The following TBXAS1 variants were observed in gnomAD, a reference collection of about 807,000 sequenced individuals.
TBXAS1 encodes the protein thromboxane A synthase 1.
Under a neutral mutation model 60.7 loss-of-function variants are expected in TBXAS1, and 48 were observed. That is an observed-to-expected ratio of 0.79 (90% CI 0.63 to 1.01). The LOEUF is 1.01. TBXAS1 is among the 50% of genes least tolerant of loss of function. TBXAS1 has a pLI of 0.00. For synonymous variants in TBXAS1, 287 were observed against 269.7 expected (o/e 1.06, Z -0.63); for missense variants, 685 against 686.3 (o/e 1.00, Z 0.02).
intron 4 of TBXAS1, among the ~76,000 whole-genome samples, chr7:139,928,864 G>A (rs898792380): frequency 1.3e-5 from 2 of 152,220 alleles, no homozygotes; most frequent in Non-Finnish European, 2.9e-5. Context: ...TTAAATGGGA[G>A]TAAGCTGTTA....
chr7:140,014,507 A>G (rs1814864205), intron 10 of TBXAS1, among the ~76,000 whole-genome samples: 1 of 152,168 alleles, frequency 6.6e-6, no homozygotes. Flanking sequence ...AGGCTGGTGG[A>G]TGCAGAAGAG....
intron 3 of TBXAS1, among the ~76,000 whole-genome samples, chr7:139,902,129 C>T (rs903456810): frequency 2.0e-5 from 3 of 151,446 alleles, no homozygotes; most frequent in Non-Finnish European, 2.9e-5. Context: ...TTTATATGCA[C>T]TCGTGTGTGT....
intron 9 of TBXAS1, among the ~76,000 whole-genome samples, chr7:139,986,811 A>G (rs78562310): frequency 0.42 from 23,983 of 57,600 alleles, 3,350 homozygotes; most frequent in East Asian, 0.63. Context: ...ATATATATAT[A>G]TATATACACC....
chr7:139,997,719 G>A (rs1288881636), intron 9 of TBXAS1, among the ~76,000 whole-genome samples: 1 of 152,196 alleles, frequency 6.6e-6, no homozygotes, highest in African/African-American at 2.4e-5. Context: ...TGCAGTTAGA[G>A]TAAATAGAAG....
At position 139,964,092 on chromosome 7, in the gene TBXAS1, A is replaced by ATT. The variant is rs529477334; in HGVS notation, c.1134+1868_1134+1869dup. Among the ~76,000 whole-genome samples, 226 of 148,954 alleles carry ATT rather than the reference A, an allele frequency of 1.5e-3. 1 individual carries two copies. Among genetic ancestry groups the ATT allele is most frequent in the African/African-American group, 5.3e-3 (215 of 40,662 alleles). Reference sequence around the variant, plus strand: ...CTTAGGTCGCTGCCCATTCTTTTTTATTTTTTTTTTGAGATGAAGTTTCAC... The same window carrying ATT: ...CTTAGGTCGCTGCCCATTCTTTTTTATTTTTTTTTTTTGAGATGAAGTTTCAC... On this transcript the variant is annotated intron_variant, in intron 9 of 12. Transcript: ENST00000448866.
chr7:139,786,362 G>C (rs1291798583), intron 3 of TBXAS1, among the ~76,000 whole-genome samples: 3 of 152,032 alleles, frequency 2.0e-5, no homozygotes, highest in African/African-American at 7.2e-5. Context: ...ATGAGAAAGG[G>C]TATACTTCTA....
rs1014899462 is a variant in TBXAS1, at chr7:139,879,344, G to A, written c.236+3707G>A. On this transcript the variant is annotated intron_variant, in intron 3 of 12. Transcript: ENST00000448866. ...TTGAATGTAAAGCAGGAGGACTGGC[G>A]TGGATACCTATACAGCTATTAGTCG... Among the ~76,000 whole-genome samples, 12 of 152,148 alleles carry A rather than the reference G, an allele frequency of 7.9e-5. No homozygotes were observed. In the East Asian group the frequency reaches 1.3e-3, roughly 17 times the overall value.
chr7:140,007,058 G>A lies in TBXAS1; in HGVS notation c.1135-33G>A, dbSNP rs780918003. 14 of 1,591,636 alleles carry A rather than the reference G, an allele frequency of 8.8e-6. 1 individual carries two copies. The highest frequency in any genetic ancestry group is 3.3e-4 in the Middle Eastern group (2 of 6,012). On this transcript the variant is annotated intron_variant, in intron 9 of 12. Transcript: ENST00000448866. ...AATGCTGTGAGATTTGGGCTAACAC[G>A]AACTTCTCCCTTTGTCACGACCCCT...
chr7:139,988,090 C>T (rs1019466144), intron 9 of TBXAS1, among the ~76,000 whole-genome samples: 9 of 152,256 alleles, frequency 5.9e-5, no homozygotes, highest in South Asian at 2.1e-4. Flanking sequence ...CCCAGCAGGA[C>T]GCCAGGGGAC....
chr7:139,996,133 A>ATT lies in TBXAS1; in HGVS notation c.1135-10943_1135-10942dup, dbSNP rs879520998. Reference sequence around the variant, plus strand: ...ACAGGTGCACACCACCATGTCTGGCATTTTTTTTTTTTTTTTAGAGATGGG... The same window carrying ATT: ...ACAGGTGCACACCACCATGTCTGGCATTTTTTTTTTTTTTTTTTAGAGATGGG... On this transcript the variant is annotated intron_variant, in intron 9 of 12. Coordinates refer to ENST00000448866, the MANE Select transcript of TBXAS1 (RefSeq NM_001061.7). Among the ~76,000 whole-genome samples the ATT allele has an allele frequency of 4.8e-4, 65 of 136,222 alleles. 1 individual carries two copies. The South Asian group carries it at 0.011, about 23-fold the overall frequency. The allele number at this position is 136,222 out of a possible 152,430, so 89.4% of individuals were successfully genotyped here.
chr7:139,827,825 T>G (rs1798485762), upstream of TBXAS1, among the ~76,000 whole-genome samples: 2 of 152,230 alleles, frequency 1.3e-5, no homozygotes, highest in African/African-American at 4.8e-5. Context: ...CCTTCCAGCT[T>G]GTAGGTTTTC....
intron 9 of TBXAS1, among the ~76,000 whole-genome samples, chr7:139,981,455 T>G (rs1025478014): frequency 6.6e-6 from 1 of 152,216 alleles, no homozygotes; most frequent in East Asian, 1.9e-4. Flanking sequence ...CGGTGGACAT[T>G]AGCTGTGCTG....
intron 4 of TBXAS1, among the ~76,000 whole-genome samples, chr7:139,816,909 C>G (rs35612019): frequency 0.095 from 14,403 of 152,182 alleles, 936 homozygotes; most frequent in Non-Finnish European, 0.14. Flanking sequence ...GGCAACTCCA[C>G]AGCCCTAGTC....
At position 139,975,076 on chromosome 7, in the gene TBXAS1, A is replaced by C. The variant is rs1222197511; in HGVS notation, c.1134+12843A>C. ...ACAACCAGGCAGGAGTCAATGCAAC[A>C]GTCTAGACACAGAATTCTTTCTTCG... On this transcript the variant is annotated intron_variant, in intron 9 of 12. Coordinates refer to ENST00000448866, the MANE Select transcript of TBXAS1 (RefSeq NM_001061.7). The surrounding 1 kb of genome is among the most constrained non-coding windows in gnomAD (Gnocchi z 4.4). Among the ~76,000 whole-genome samples the C allele has an allele frequency of 6.6e-6, 1 of 152,236 alleles. No homozygotes were observed. The highest frequency in any genetic ancestry group is 2.4e-5 in the African/African-American group (1 of 41,460).
chr7:139,810,135 C>A (rs1797990759), intron 4 of TBXAS1, among the ~76,000 whole-genome samples: 1 of 151,742 alleles, frequency 6.6e-6, no homozygotes, highest in South Asian at 2.1e-4. Context: ...TTCACGGGCT[C>A]AATCAATTCT....
intron 4 of TBXAS1, among the ~76,000 whole-genome samples, chr7:139,801,622 A>T (rs530368715): frequency 1.4e-4 from 21 of 152,152 alleles, no homozygotes; most frequent in Admixed American, 5.9e-4. Flanking sequence ...GGCACTTGCT[A>T]CCATGCCCAG....
At chr7:140,007,314 TC>T in intron 10 of TBXAS1, 132 bp downstream of exon 10, 1 of 785,174 alleles carries the variant, frequency 1.3e-6, no homozygotes, top group Non-Finnish European at 2.2e-6. Flanking sequence ...AGTCCTGGGT[TC>T]CTTTGTATCC....
At chr7:139,888,026 A>G (rs1034834469) in intron 3 of TBXAS1, among the ~76,000 whole-genome samples, 1 of 152,196 alleles carries the variant, frequency 6.6e-6, no homozygotes, top group Non-Finnish European at 1.5e-5. Flanking sequence ...GTCAAGGTGA[A>G]CCACACATTT....
intron 9 of TBXAS1, among the ~76,000 whole-genome samples, chr7:139,983,389 T>G (rs1015119753): frequency 1.3e-5 from 2 of 152,252 alleles, no homozygotes; most frequent in African/African-American, 4.8e-5. Context: ...ATGAAGTCGG[T>G]AGGGTATCTG....
Sources: allele counts gnomAD v4.1 joint callset (sites outside exome capture counted in the v4.1 genomes callset), GRCh38; gene constraint gnomAD v4.1.1; non-coding constraint Gnocchi (gnomAD v3.1); transcripts MANE v1.5; gene names NCBI Gene and HGNC (gene_info 2026-07-23, HGNC 2026-07-21).